The following HECTD4 variants were observed in gnomAD, a reference collection of about 807,000 sequenced individuals.
HECTD4 encodes the protein probable E3 ubiquitin-protein ligase HECTD4.
Under a neutral mutation model 471.5 loss-of-function variants are expected in HECTD4, and 114 were observed. That is an observed-to-expected ratio of 0.24 (90% CI 0.21 to 0.28). The LOEUF is 0.28. HECTD4 is among the 10% of genes least tolerant of loss of function. The pLI is 1.00. For synonymous variants in HECTD4, 2,012 were observed against 2,256.0 expected (o/e 0.89, Z 3.07); for missense variants, 3,866 against 5,651.5 (o/e 0.68, Z 10.13).
chr12:112,175,485 G>A (rs770105047), intron 66 of HECTD4, among the ~76,000 whole-genome samples: 9 of 152,250 alleles, frequency 5.9e-5, no homozygotes, highest in Admixed American at 3.9e-4. Flanking sequence ...AGCTCAGTGT[G>A]TGGTGTCCTG....
intron 1 of HECTD4, among the ~76,000 whole-genome samples, chr12:112,326,899 T>C (rs1186558809): frequency 6.6e-6 from 1 of 152,218 alleles, no homozygotes; most frequent in Non-Finnish European, 1.5e-5. Flanking sequence ...TTGAGCATAT[T>C]TCTGAAAGAA....
chr12:112,199,826 T>C (rs1387613087), intron 55 of HECTD4, among the ~76,000 whole-genome samples: 1 of 152,214 alleles, frequency 6.6e-6, no homozygotes, highest in Non-Finnish European at 1.5e-5. Context: ...TCTTACCTTT[T>C]CTTGACTTGC....
Position 112,243,779 on chromosome 12 carries a change from C to T in HECTD4, c.4650-18G>A, listed in dbSNP as rs2033694317. The stretch of plus-strand genomic sequence containing the variant: ...GGCGACGCCTACGGGGAACACAGAA[C>T]AGACTGGCAAGACGAGAAACACACT... On this transcript the variant is annotated intron_variant, in intron 30 of 75. Coordinates refer to ENST00000682272, the MANE Select transcript of HECTD4 (RefSeq NM_001388303.1). The surrounding 1 kb of genome is among the most constrained non-coding windows in gnomAD (Gnocchi z 6.6). 6 of 1,610,612 alleles carry T rather than the reference C, an allele frequency of 3.7e-6. No homozygotes were observed. The Admixed American group carries it at 1.0e-4, about 27-fold the overall frequency.
In HECTD4 at chr12:112,239,781, T is replaced by C; in HGVS notation, c.5105+100A>G. The C allele has an allele frequency of 8.4e-7, 1 of 1,197,336 alleles. No individual in the cohort carries two copies. The highest frequency in any genetic ancestry group is 1.1e-6 in the Non-Finnish European group (1 of 876,268). The allele number at this position is 1,197,336 out of a possible 1,614,324, so 74.2% of individuals were successfully genotyped here. A position where few individuals can be genotyped will look rare whatever the true frequency, so the allele number is the denominator to read the frequency against. ...GTTTTGTATAGCTAGCTCTGGATAA[T>C]GAAAGCAAAAAATCCAATTTTTAAA... On this transcript the variant is annotated intron_variant, in intron 33 of 75. Coordinates refer to ENST00000682272, the MANE Select transcript of HECTD4 (RefSeq NM_001388303.1). The surrounding 1 kb of genome is among the most constrained non-coding windows in gnomAD (Gnocchi z 4.9).
At chr12:112,171,362 G>C (rs141765505) in intron 67 of HECTD4, 99 bp from the exon 68 acceptor site, 1 of 1,514,900 alleles carries the variant, frequency 6.6e-7, no homozygotes, top group African/African-American at 1.4e-5. Context: ...GAACAGGATT[G>C]GTGGATTTTT....
rs772700933 is a variant in HECTD4 at position 112,265,934 on chromosome 12, G to C, written c.2442C>G (p.Asn814Lys). 6.2e-7 allele frequency: 1 copy of C among 1,613,964 alleles called. No individual in the cohort carries two copies. Among genetic ancestry groups the C allele is most frequent in the Non-Finnish European group, 8.5e-7 (1 of 1,179,884 alleles). ...GGTTGTTTTGGAGCTGTTCAGCCAGGTTGGTTAGGATCACATCCCGTAGCT... is the reference window on the plus strand; with the variant it reads ...GGTTGTTTTGGAGCTGTTCAGCCAGCTTGGTTAGGATCACATCCCGTAGCT... ...LSQLRDVILT[N>K]LAEQLQNNRF... The change falls in exon 15 of 76, where the codon AAC becomes AAG. Residue 814 changes from asparagine (N) to lysine (K), a missense_variant. Asn to Lys is a moderately conservative substitution (Grantham distance 94). Coordinates refer to ENST00000682272, the MANE Select transcript of HECTD4 (RefSeq NM_001388303.1).
rs987048837 is a variant in HECTD4 at position 112,184,307 on chromosome 12, C to T, written c.10659G>A (p.Gly3553=). 2 of 1,613,450 alleles carry T rather than the reference C, an allele frequency of 1.2e-6. No homozygotes were observed. Among genetic ancestry groups the T allele is most frequent in the Non-Finnish European group, 1.7e-6 (2 of 1,179,872 alleles). ...TGSLGSLGSL[G]EPLDNAETAS... Reference sequence around the variant, plus strand: ...CCGTCTCTGCATTGTCCAGGGGCTCCCCCAGGCTGCCCAGGCTGCCCAGGC... The same window carrying T: ...CCGTCTCTGCATTGTCCAGGGGCTCTCCCAGGCTGCCCAGGCTGCCCAGGC... Residue 3553 remains glycine (G), a synonymous_variant, in exon 61 of 76, where the codon GGG becomes GGA. Transcript: ENST00000682272. This position sits in a 1 kb window ranked among gnomAD's most constrained non-coding sequence, Gnocchi z 9.1.
At chr12:112,353,659 C>G (rs1185312618) in intron 1 of HECTD4, among the ~76,000 whole-genome samples, 9 of 152,114 alleles carry the variant, frequency 5.9e-5, no homozygotes, top group African/African-American at 1.9e-4. Context: ...AAAACCCCAT[C>G]TCTACTAAAA....
chr12:112,269,064 G>A (rs1184294462), intron 13 of HECTD4, among the ~76,000 whole-genome samples: 3 of 151,106 alleles, frequency 2.0e-5, no homozygotes, highest in Non-Finnish European at 4.4e-5. Flanking sequence ...TAGTAGAGAC[G>A]GGGTTTCACC....
chr12:112,285,580 A>T (rs1417263413), intron 7 of HECTD4, among the ~76,000 whole-genome samples: 1 of 152,172 alleles, frequency 6.6e-6, no homozygotes, highest in African/African-American at 2.4e-5. Context: ...ACTCCCTGAG[A>T]ACAGGGATCC....
intron 62 of HECTD4, among the ~76,000 whole-genome samples, chr12:112,180,925 GTATTT>G (rs1219024588): frequency 1.3e-5 from 2 of 151,534 alleles, no homozygotes; most frequent in African/African-American, 2.4e-5. Context: ...CTTTACTGCA[GTATTT>G]TAATCAGTCA....
chr12:112,219,350 G>T, intron 45 of HECTD4, 36 bp downstream of exon 45: 2 of 1,457,672 alleles, frequency 1.4e-6, no homozygotes, highest in Non-Finnish European at 9.6e-7. Context: ...TGTGTGTGGA[G>T]GCTGCAGGAG....
intron 44 of HECTD4, among the ~76,000 whole-genome samples, chr12:112,222,561 G>A (rs2033128393): frequency 6.6e-6 from 1 of 152,184 alleles, no homozygotes; most frequent in Non-Finnish European, 1.5e-5. Flanking sequence ...TAGCTACTCG[G>A]TAGGCTGAGG....
In HECTD4 at chr12:112,226,724, T is replaced by C. The variant is rs1566079234; in HGVS notation, c.6889A>G (p.Ser2297Gly). The change falls in exon 44 of 76, where the codon AGC becomes GGC. Residue 2297 changes from serine to glycine, a missense_variant. This residue lies in a region of HECTD4 where 617 missense variants were observed against 915.1 expected (regional missense o/e 0.67). Transcript: ENST00000682272. ...TGTATGAATTCTTCACAAAATAAGC[T>C]GTCTTCTAAAAGCTGGGCCATGACC... The part of the protein sequence containing the change: ...CLVMAQLLED[S>G]LFCEEFIQQC... 1.2e-6 allele frequency: 2 copies of C among 1,612,886 alleles called. No homozygotes were observed. Among genetic ancestry groups the C allele is most frequent in the South Asian group, 1.1e-5 (1 of 90,886 alleles).
At chr12:112,175,341 C>T (rs1034177806) in intron 66 of HECTD4, among the ~76,000 whole-genome samples, 4 of 152,084 alleles carry the variant, frequency 2.6e-5, no homozygotes, top group Non-Finnish European at 4.4e-5. Context: ...GAGGGAAGAC[C>T]CCATGTGAGG....
chr12:112,296,847 G>C (rs2035036178), intron 7 of HECTD4, among the ~76,000 whole-genome samples: 1 of 151,184 alleles, frequency 6.6e-6, no homozygotes, highest in South Asian at 2.1e-4. Context: ...AGGTGCAGTG[G>C]ATGTAGGTGC....
intron 4 of HECTD4, among the ~76,000 whole-genome samples, chr12:112,312,290 C>A (rs2035389175): frequency 6.6e-6 from 1 of 152,108 alleles, no homozygotes; most frequent in African/African-American, 2.4e-5. Flanking sequence ...ATAATAAGTA[C>A]CAGTTACAAT....
At chr12:112,250,686 T>C (rs1403677338) in intron 24 of HECTD4, among the ~76,000 whole-genome samples, 1 of 152,236 alleles carries the variant, frequency 6.6e-6, no homozygotes, top group African/African-American at 2.4e-5. Flanking sequence ...GTGTTTGCTT[T>C]ATCACACATC....
rs918508887 is a variant in HECTD4 at position 112,201,005 on chromosome 12, C to T, written c.8407-207G>A. 65 of 593,606 alleles carry T rather than the reference C, an allele frequency of 1.1e-4. No individual in the cohort carries two copies. The Admixed American group carries it at 1.8e-3, about 16-fold the overall frequency. 36.8% of individuals were successfully genotyped at this position (593,606 alleles called of 1,614,324 possible). On this transcript the variant is annotated intron_variant, in intron 54 of 75. Coordinates refer to ENST00000682272, the MANE Select transcript of HECTD4 (RefSeq NM_001388303.1). The stretch of plus-strand genomic sequence containing the variant: ...GAATTCACAATACATTTTTGAAACA[C>T]ATATTATAAGTAATCTTATTACTAT...
Sources: gnomAD v4.1 joint callset for allele counts (sites outside exome capture counted in the v4.1 genomes callset) on GRCh38, gnomAD v4.1.1 for gene constraint, gnomAD v4.1.1 regional missense constraint, Gnocchi (gnomAD v3.1) non-coding constraint, MANE v1.5 for transcripts, NCBI Gene and HGNC (gene_info 2026-07-23, HGNC 2026-07-21) for gene names.